TOM1L1: variants seen among roughly 807,000 people sequenced by gnomAD.
TOM1L1 encodes the protein TOM1-like protein 1.
Under a neutral mutation model 63.4 loss-of-function variants are expected in TOM1L1, and 64 were observed. The observed-to-expected ratio is 1.01, with a 90% CI of 0.83 to 1.24. The LOEUF is 1.24. TOM1L1 is among the 50% of genes most tolerant of loss of function. The pLI is 0.00. For missense variants in TOM1L1, 536 were observed against 567.0 expected (o/e 0.95, Z 0.55); for synonymous variants, 166 against 194.4 (o/e 0.85, Z 1.22).
chr17:54,930,241 C>T (rs775117875), intron 8 of TOM1L1, 35 bp downstream of exon 8: 2 of 1,612,094 alleles, frequency 1.2e-6, no homozygotes, highest in East Asian at 2.2e-5. Flanking sequence ...ACCCCTCTTC[C>T]ATTTCTACTT....
chr17:54,954,614 T>C (rs768234162), intron 14 of TOM1L1: 5 of 152,248 alleles, frequency 3.3e-5, no homozygotes, highest in Admixed American at 6.5e-5. Flanking sequence ...TGCCCCTGTA[T>C]TGGCCAAGGT....
intron 1 of TOM1L1, 39 bp from the exon 2 acceptor site, chr17:54,903,668 AT>A (rs1378041614): frequency 1.3e-6 from 2 of 1,553,852 alleles, no homozygotes; most frequent in Non-Finnish European, 1.8e-6. Flanking sequence ...GACATTTTTT[AT>A]TCTGTTGTAG....
chr17:54,959,360 C>G (rs2077048258), intron 14 of TOM1L1: 1 of 152,140 alleles, frequency 6.6e-6, no homozygotes, highest in African/African-American at 2.4e-5. Context: ...TGCCTCTAAT[C>G]CCAACATTTT....
intron 3 of TOM1L1, among the ~76,000 whole-genome samples, chr17:54,910,340 CA>C: frequency 6.6e-6 from 1 of 152,252 alleles, no homozygotes; most frequent in South Asian, 2.1e-4. Context: ...CCTGTAATCT[CA>C]GCTACTTGGG....
At chr17:54,961,195 G>A (rs1455991444) in intron 15 of TOM1L1, 40 bp from the exon 16 acceptor site, 2 of 1,293,200 alleles carry the variant, frequency 1.5e-6, no homozygotes, top group African/African-American at 1.5e-5. Context: ...GAAAGAGAAG[G>A]ACAGGATGAA....
At chr17:54,903,411 C>T (rs535878909) in intron 1 of TOM1L1, among the ~76,000 whole-genome samples, 1 of 152,354 alleles carries the variant, frequency 6.6e-6, no homozygotes, top group South Asian at 2.1e-4. Flanking sequence ...AGCCCTAGTT[C>T]CCTTCTCTGA....
chr17:54,947,617 TATCAGCAACAAATGACAAAGTTG>T, intron 12 of TOM1L1, among the ~76,000 whole-genome samples: 2 of 152,350 alleles, frequency 1.3e-5, no homozygotes, highest in South Asian at 4.1e-4. Context: ...TCCCTCATTT[TATCAGCAACAAATGACAAAGTTG>T]ATCACTTCCT....
At chr17:54,931,872 G>A (rs1301884292) in intron 8 of TOM1L1, among the ~76,000 whole-genome samples, 1 of 151,846 alleles carries the variant, frequency 6.6e-6, no homozygotes, top group African/African-American at 2.4e-5. Context: ...CATATTTACT[G>A]TCAGAGAAGG....
intron 7 of TOM1L1, 131 bp downstream of exon 7, chr17:54,915,993 C>T (rs1403314750): frequency 9.0e-6 from 5 of 552,610 alleles, no homozygotes; most frequent in Non-Finnish European, 9.3e-6. Context: ...CAGTTGATTT[C>T]TAAACTTAAC....
At chr17:54,903,843 A>G (rs368007716) in intron 2 of TOM1L1, 51 bp downstream of exon 2, 366 of 1,496,080 alleles carry the variant, frequency 2.4e-4, no homozygotes, top group Middle Eastern at 6.9e-4. Flanking sequence ...AAGCATCAGA[A>G]CTACAGCACG....
chr17:54,947,421 G>T, intron 12 of TOM1L1, 109 bp downstream of exon 12: 1 of 1,250,904 alleles, frequency 8.0e-7, no homozygotes. Context: ...TTGTGTTGAT[G>T]CGCAGCCCCT....
chr17:54,938,794 CTT>C (rs35297544), intron 10 of TOM1L1, 128 bp from the exon 11 acceptor site: 126,314 of 553,102 alleles, frequency 0.23, 16,480 homozygotes, highest in Non-Finnish European at 0.26. Context: ...AAATTAATCT[CTT>C]TTATTTGGTG....
At position 54,914,714 on chromosome 17, in the gene TOM1L1, A is replaced by G; in HGVS notation, c.574A>G (p.Asn192Asp). 1 of 1,613,632 alleles carries G rather than the reference A, an allele frequency of 6.2e-7. No homozygotes were observed. Among genetic ancestry groups the G allele is most frequent in the East Asian group, 2.2e-5 (1 of 44,872 alleles). Residue 192 changes from asparagine (N) to aspartate (D), a missense_variant, in exon 6 of 16, where the codon AAC (asparagine) becomes GAC (aspartate). Coordinates refer to ENST00000575882, the MANE Select transcript of TOM1L1 (RefSeq NM_005486.3). ...PALSSVIAPK[N>D]STVTLVPEQI... ...TCTTTCTTCTGTAATTGCTCCAAAG[A>G]ACTCGACTGTTACATTGGTCCCAGA...
At chr17:54,923,785 A>G (rs1292986106) in intron 7 of TOM1L1, among the ~76,000 whole-genome samples, 2 of 151,864 alleles carry the variant, frequency 1.3e-5, no homozygotes, top group African/African-American at 4.8e-5. Context: ...ACCTCAGGTG[A>G]TCTACCTGCC....
At chr17:54,934,051 C>G (rs1405779620) in intron 8 of TOM1L1, among the ~76,000 whole-genome samples, 1 of 152,160 alleles carries the variant, frequency 6.6e-6, no homozygotes, top group Non-Finnish European at 1.5e-5. Flanking sequence ...GTCACTCATG[C>G]CTTAGTCTGG....
intron 14 of TOM1L1, 135 bp from the exon 15 acceptor site, chr17:54,960,431 G>T: frequency 1.5e-6 from 1 of 663,364 alleles, no homozygotes; most frequent in Non-Finnish European, 2.7e-6. Context: ...CTTCAGGGCA[G>T]AGACTTATTT....
chr17:54,943,500 ATAAT>A (rs1023812729), intron 11 of TOM1L1, among the ~76,000 whole-genome samples: 2 of 148,546 alleles, frequency 1.3e-5, no homozygotes, highest in African/African-American at 5.0e-5. Context: ...TGCTTGGTAA[ATAAT>A]GTGGTTTAAA....
chr17:54,905,998 C>T (rs1029362214), intron 3 of TOM1L1, among the ~76,000 whole-genome samples: 2 of 151,816 alleles, frequency 1.3e-5, no homozygotes, highest in African/African-American at 4.8e-5. Flanking sequence ...GGTGAGAGCC[C>T]GTCTCTACAA....
chr17:54,910,286 T>C (rs550120999), intron 3 of TOM1L1, among the ~76,000 whole-genome samples: 2 of 152,308 alleles, frequency 1.3e-5, no homozygotes, highest in East Asian at 3.9e-4. Flanking sequence ...CGAAAACCCA[T>C]GTCTACTAAA....
Sources: gnomAD v4.1 joint callset for allele counts (sites outside exome capture counted in the v4.1 genomes callset) on GRCh38, gnomAD v4.1.1 for gene constraint, MANE v1.5 for transcripts, NCBI Gene and HGNC (gene_info 2026-07-23, HGNC 2026-07-21) for gene names.